The following SHISA9 variants were observed in gnomAD, a reference collection of about 807,000 sequenced individuals.
SHISA9 encodes the protein protein shisa-9.
SHISA9 carries 13 observed loss-of-function variants against 38.0 expected under a neutral mutation model. That is an observed-to-expected ratio of 0.34 (90% CI 0.22 to 0.54). The LOEUF (loss-of-function observed/expected upper bound fraction) is 0.54, where lower values mean the gene tolerates loss of function less well. SHISA9 is among the 20% of genes least tolerant of loss of function. The probability of loss-of-function intolerance (pLI) is 0.91; values close to 1 mark genes in which losing one functional copy is unlikely to be tolerated. For synonymous variants in SHISA9, 275 were observed against 242.0 expected (o/e 1.14, Z -1.27); for missense variants, 538 against 575.8 (o/e 0.93, Z 0.67).
chr16:13,077,247 T>C (rs1446011358), intron 2 of SHISA9, among the ~76,000 whole-genome samples: 2 of 151,816 alleles, frequency 1.3e-5, no homozygotes, highest in African/African-American at 4.9e-5. Context: ...CTTCTTCTTT[T>C]TTTTTTTTAA....
rs556715965 is a variant in SHISA9 at position 13,081,814 on chromosome 16, T to C, written c.692-121580T>C. ...TTGCAGTGAGGCAAGATTGCGCCAC[T>C]GCACTCCAACCTGGGTGATAGAGCG... On this transcript the variant is annotated intron_variant, in intron 2 of 4. Transcript: ENST00000558583. Among the ~76,000 whole-genome samples the C allele has an allele frequency of 1.4e-3, 208 of 148,932 alleles. 1 individual carries two copies. Among genetic ancestry groups the C allele is most frequent in the Non-Finnish European group, 2.5e-3 (167 of 67,738 alleles).
the SHISA9 span, among the ~76,000 whole-genome samples, chr16:13,412,974 TAAATA>T: frequency 1.3e-5 from 2 of 151,744 alleles, no homozygotes; most frequent in Non-Finnish European, 2.9e-5. Context: ...AATAAATAAA[TAAATA>T]AAGGAATGAA....
intron 2 of SHISA9, among the ~76,000 whole-genome samples, chr16:13,079,355 A>G (rs2073621292): frequency 6.6e-6 from 1 of 152,260 alleles, no homozygotes; most frequent in African/African-American, 2.4e-5. Context: ...TAATGCAGGT[A>G]AAGTTCTTAG....
At chr16:13,556,899 G>C in the SHISA9 span, among the ~76,000 whole-genome samples, 1 of 152,108 alleles carries the variant, frequency 6.6e-6, no homozygotes, top group African/African-American at 2.4e-5. Context: ...TAAAGTATAT[G>C]GAATATACAT....
intron 1 of SHISA9, among the ~76,000 whole-genome samples, chr16:12,903,190 G>C (rs1215246541): frequency 6.6e-6 from 1 of 152,158 alleles, no homozygotes; most frequent in Non-Finnish European, 1.5e-5. Flanking sequence ...TGCTTGGAGC[G>C]GCCGCCTCGC....
chr16:13,528,900 C>T, the SHISA9 span, among the ~76,000 whole-genome samples: 1 of 152,166 alleles, frequency 6.6e-6, no homozygotes, highest in East Asian at 1.9e-4. Context: ...TGATCAGACA[C>T]AGTCAGGGGC....
the SHISA9 span, among the ~76,000 whole-genome samples, chr16:13,248,296 AC>A: frequency 6.6e-6 from 1 of 152,212 alleles, no homozygotes; most frequent in Non-Finnish European, 1.5e-5. Context: ...CAGAGCATCT[AC>A]GATGTGCCAG....
At chr16:13,363,367 A>G in the SHISA9 span, among the ~76,000 whole-genome samples, 1 of 152,238 alleles carries the variant, frequency 6.6e-6, no homozygotes, top group African/African-American at 2.4e-5. Context: ...GCTTGGCACA[A>G]TGACCGGCAC....
rs1567183984 is a variant in SHISA9, at chr16:13,019,869, TCCC to T, written c.691+103055_691+103057del. ...TTCCCTCCCTCCCTCCCTCCCTCCC[TCCC>T]TCCCTCCCTCCCTTCTTTCTTTCTT... On this transcript the variant is annotated intron_variant, in intron 2 of 4. Coordinates refer to ENST00000558583, the MANE Select transcript of SHISA9 (RefSeq NM_001145204.3). Among the ~76,000 whole-genome samples, 32 of 32,648 alleles carry T rather than the reference TCCC, an allele frequency of 9.8e-4. 1 individual carries two copies. Among genetic ancestry groups the T allele is most frequent in the East Asian group, 6.6e-3 (3 of 458 alleles). 21.4% of individuals were successfully genotyped at this position (32,648 alleles called of 152,430 possible).
At chr16:13,255,396 T>C in the SHISA9 span, among the ~76,000 whole-genome samples, 1 of 152,204 alleles carries the variant, frequency 6.6e-6, no homozygotes, top group African/African-American at 2.4e-5. Flanking sequence ...CCTCTATCTT[T>C]GGGACTCTGT....
intron 2 of SHISA9, among the ~76,000 whole-genome samples, chr16:13,032,909 A>G (rs1392953): frequency 0.6 from 91,411 of 152,018 alleles, 28,471 homozygotes; most frequent in Middle Eastern, 0.74. Flanking sequence ...TTGTAATTGC[A>G]AAGTTCCCTA....
intron 2 of SHISA9, among the ~76,000 whole-genome samples, chr16:13,139,858 C>G (rs919672476): frequency 6.6e-6 from 1 of 152,096 alleles, no homozygotes; most frequent in African/African-American, 2.4e-5. Flanking sequence ...AGAGGCAGGC[C>G]TTGCTCTTCA....
intron 2 of SHISA9, among the ~76,000 whole-genome samples, chr16:12,991,798 G>A (rs1220543730): frequency 6.6e-6 from 1 of 151,866 alleles, no homozygotes; most frequent in African/African-American, 2.4e-5. Context: ...TAGCACTCAG[G>A]TACCACCAAG....
At chr16:13,533,837 G>A in the SHISA9 span, among the ~76,000 whole-genome samples, 1 of 146,298 alleles carries the variant, frequency 6.8e-6, no homozygotes, top group South Asian at 2.1e-4. Flanking sequence ...AGGCTGGAGT[G>A]CAGTGGCGCG....
Position 13,019,931 on chromosome 16 carries a change from CTTTCTT to C in SHISA9, c.691+103118_691+103123del, listed in dbSNP as rs1567184184. 1.1e-3 allele frequency among the ~76,000 whole-genome samples: 105 copies of C among 94,980 alleles called. 1 individual carries two copies. The highest frequency in any genetic ancestry group is 1.7e-3 in the Non-Finnish European group (80 of 45,834). 62.3% of individuals were successfully genotyped at this position (94,980 alleles called of 152,430 possible). On this transcript the variant is annotated intron_variant, in intron 2 of 4. Transcript: ENST00000558583. ...TCTTTCTTTCTTTCTTTCTTTCTTTCTTTCTTTCTTTCTTTCTTTCTTTCTTTCCCT... is the reference window on the plus strand; with the variant it reads ...TCTTTCTTTCTTTCTTTCTTTCTTTCTCTTTCTTTCTTTCTTTCTTTCCCT...
At chr16:13,138,787 G>A (rs1432207299) in intron 2 of SHISA9, among the ~76,000 whole-genome samples, 1 of 152,176 alleles carries the variant, frequency 6.6e-6, no homozygotes, top group Non-Finnish European at 1.5e-5. Flanking sequence ...AGCATGTTAT[G>A]AGGATTCCTA....
chr16:13,343,523 A>G, the SHISA9 span, among the ~76,000 whole-genome samples: 1 of 152,164 alleles, frequency 6.6e-6, no homozygotes, highest in South Asian at 2.1e-4. Flanking sequence ...AATGTAAAGC[A>G]TATTCCATGA....
At chr16:12,935,640 G>A (rs933529812) in intron 2 of SHISA9, among the ~76,000 whole-genome samples, 1 of 151,962 alleles carries the variant, frequency 6.6e-6, no homozygotes, top group Non-Finnish European at 1.5e-5. Context: ...TTGAGCTCAG[G>A]GGTTCAAGAT....
At chr16:13,138,874 C>A (rs928355601) in intron 2 of SHISA9, among the ~76,000 whole-genome samples, 1 of 152,090 alleles carries the variant, frequency 6.6e-6, no homozygotes, top group Non-Finnish European at 1.5e-5. Context: ...CCCTTATTTG[C>A]AGTTTTTAAT....
Sources: allele counts gnomAD v4.1 joint callset (sites outside exome capture counted in the v4.1 genomes callset), GRCh38; gene constraint gnomAD v4.1.1; transcripts MANE v1.5; gene names NCBI Gene and HGNC (gene_info 2026-07-23, HGNC 2026-07-21).